The following WWOX variants were observed in gnomAD, a reference collection of about 807,000 sequenced individuals.
WWOX encodes the protein WW domain-containing oxidoreductase.
Under a neutral mutation model 46.2 loss-of-function variants are expected in WWOX, and 69 were observed. That is an observed-to-expected ratio of 1.49 (90% CI 1.23 to 1.82). The LOEUF (loss-of-function observed/expected upper bound fraction) is 1.82, where lower values mean the gene tolerates loss of function less well. Ranked by LOEUF, WWOX falls within the 40% of genes most tolerant of loss-of-function variation. WWOX has a pLI of 0.00. For synonymous variants in WWOX, 359 were observed against 202.6 expected (o/e 1.77, Z -6.56); for missense variants, 919 against 542.6 (o/e 1.69, Z -6.89).
Position 79,212,389 on chromosome 16 carries a change from G to A in WWOX, c.*593G>A. 1 of 469,568 alleles carries A rather than the reference G, an allele frequency of 2.1e-6. No individual in the cohort carries two copies. The highest frequency in any genetic ancestry group is 3.7e-6 in the Non-Finnish European group (1 of 268,192). The allele number at this position is 469,568 out of a possible 1,614,324, so 29.1% of individuals were successfully genotyped here. On this transcript the variant is annotated 3_prime_UTR_variant, in exon 9 of 9. Transcript: ENST00000566780. The stretch of plus-strand genomic sequence containing the variant: ...GTAGAATACGCAGAACTACCAGGTG[G>A]CAAAGTACTTGTCATAGACTCCTTT...
At position 78,109,788 on chromosome 16, in the gene WWOX, C is replaced by T. The variant is rs759766243; in HGVS notation, c.183C>T (p.Tyr61=). The T allele has an allele frequency of 1.5e-5, 25 of 1,614,028 alleles. 1 individual carries two copies. Among genetic ancestry groups the T allele is most frequent in the Admixed American group, 1.5e-4 (9 of 60,012 alleles). ...TTTCTTGTGTTTCAGATTTGCCATA[C>T]GGATGGGAACAAGAAACTGATGAGA... ...KRKRVAGDLP[Y]GWEQETDENG... Residue 61 remains tyrosine, a synonymous_variant, in exon 3 of 9, where the codon TAC becomes TAT. Transcript: ENST00000566780.
chr16:79,096,016 ATT>A (rs57621801), intron 8 of WWOX, among the ~76,000 whole-genome samples: 41 of 82,006 alleles, frequency 5.0e-4, no homozygotes, highest in Admixed American at 1.2e-3. Context: ...CACCCGGATA[ATT>A]TTTTTTTTTT....
At chr16:78,988,956 A>G (rs531216045) in intron 8 of WWOX, among the ~76,000 whole-genome samples, 1 of 152,306 alleles carries the variant, frequency 6.6e-6, no homozygotes, top group South Asian at 2.1e-4. Flanking sequence ...ATTTTGCTTC[A>G]GGAACTAGGC....
chr16:78,449,550 G>C (rs548042640), intron 8 of WWOX, among the ~76,000 whole-genome samples: 1 of 152,260 alleles, frequency 6.6e-6, no homozygotes, highest in African/African-American at 2.4e-5. Flanking sequence ...TGAAGCCATA[G>C]CATTTATTAC....
intron 8 of WWOX, among the ~76,000 whole-genome samples, chr16:78,983,757 A>G (rs2046728946): frequency 1.3e-5 from 2 of 151,500 alleles, no homozygotes; most frequent in East Asian, 1.9e-4. Context: ...ATAAACTTCT[A>G]TTGTGTTAAA....
chr16:78,957,326 T>C (rs1018076456), intron 8 of WWOX, among the ~76,000 whole-genome samples: 9 of 152,262 alleles, frequency 5.9e-5, no homozygotes, highest in Non-Finnish European at 1.2e-4. Flanking sequence ...TGATGCTGTT[T>C]TGAGATCACA....
intron 8 of WWOX, among the ~76,000 whole-genome samples, chr16:78,577,461 T>C (rs2044914733): frequency 6.6e-6 from 1 of 152,126 alleles, no homozygotes; most frequent in Non-Finnish European, 1.5e-5. Flanking sequence ...GGCTCACCTT[T>C]CATGCAACCT....
chr16:79,100,742 A>G (rs1345448804), intron 8 of WWOX, among the ~76,000 whole-genome samples: 1 of 152,126 alleles, frequency 6.6e-6, no homozygotes, highest in Non-Finnish European at 1.5e-5. Flanking sequence ...CAATTAAAAT[A>G]ATTCAGGGAC....
At chr16:78,231,533 T>C (rs2151808337) in intron 5 of WWOX, among the ~76,000 whole-genome samples, 1 of 152,334 alleles carries the variant, frequency 6.6e-6, no homozygotes, top group South Asian at 2.1e-4. Flanking sequence ...TTAGTTAATC[T>C]GTTCAATAAA....
chr16:78,185,050 C>G (rs929908974), intron 5 of WWOX, among the ~76,000 whole-genome samples: 1 of 152,060 alleles, frequency 6.6e-6, no homozygotes, highest in African/African-American at 2.4e-5. Context: ...GAGGGATGTG[C>G]TGACCCTCGC....
chr16:78,797,100 G>A (rs1264897297), intron 8 of WWOX, among the ~76,000 whole-genome samples: 1 of 152,022 alleles, frequency 6.6e-6, no homozygotes, highest in Non-Finnish European at 1.5e-5. Flanking sequence ...TGTTGGGGTT[G>A]CAGGCGTGAG....
intron 4 of WWOX, among the ~76,000 whole-genome samples, chr16:78,155,854 G>GT (rs1488138717): frequency 1.3e-5 from 2 of 152,144 alleles, no homozygotes; most frequent in Non-Finnish European, 2.9e-5. Flanking sequence ...ATTCTCTTGG[G>GT]TTTTATCCAG....
At chr16:78,610,398 ATTTC>A (rs1019324400) in intron 8 of WWOX, among the ~76,000 whole-genome samples, 2 of 152,176 alleles carry the variant, frequency 1.3e-5, no homozygotes, top group African/African-American at 4.8e-5. Context: ...GGAGATAACT[ATTTC>A]TTCTTCTATC....
chr16:78,932,017 G>A (rs572904826), intron 8 of WWOX, among the ~76,000 whole-genome samples: 1 of 152,318 alleles, frequency 6.6e-6, no homozygotes, highest in East Asian at 1.9e-4. Context: ...GCTCCACATT[G>A]GCCTTCTGCC....
At chr16:78,550,213 T>C (rs1036887776) in intron 8 of WWOX, among the ~76,000 whole-genome samples, 35 of 152,240 alleles carry the variant, frequency 2.3e-4, no homozygotes, top group Non-Finnish European at 4.1e-4. Context: ...CCATTTATAC[T>C]CAGAGTAACA....
chr16:78,786,243 C>G (rs987998731), intron 8 of WWOX, among the ~76,000 whole-genome samples: 3 of 152,114 alleles, frequency 2.0e-5, no homozygotes, highest in Non-Finnish European at 2.9e-5. Context: ...TTTCTTAAGT[C>G]GAGACAATCA....
intron 8 of WWOX, among the ~76,000 whole-genome samples, chr16:78,467,190 G>C (rs537546320): frequency 6.6e-6 from 1 of 152,230 alleles, no homozygotes; most frequent in East Asian, 1.9e-4. Flanking sequence ...TTTCAAAGAG[G>C]TAGGCTGGAA....
intron 8 of WWOX, among the ~76,000 whole-genome samples, chr16:78,656,149 C>A (rs1194697493): frequency 6.6e-6 from 1 of 152,116 alleles, no homozygotes; most frequent in Non-Finnish European, 1.5e-5. Context: ...AAGTTATGCT[C>A]TGTTGTTTCT....
chr16:79,093,852 G>T (rs1471834805), intron 8 of WWOX, among the ~76,000 whole-genome samples: 3 of 152,136 alleles, frequency 2.0e-5, no homozygotes, highest in African/African-American at 7.2e-5. Flanking sequence ...AAGGGGAACC[G>T]AGTGACTCAG....
Sources: gnomAD v4.1 joint callset for allele counts (sites outside exome capture counted in the v4.1 genomes callset) on GRCh38, gnomAD v4.1.1 for gene constraint, MANE v1.5 for transcripts, NCBI Gene and HGNC (gene_info 2026-07-23, HGNC 2026-07-21) for gene names.